Variants in LYPLAL1 observed in about 807,000 individuals in gnomAD.
LYPLAL1 encodes the protein lysophospholipase-like protein 1.
In LYPLAL1, 23 loss-of-function variants were observed where a neutral mutation model predicts 19.7. That is an observed-to-expected ratio of 1.17 (90% confidence interval 0.84 to 1.65). The LOEUF (loss-of-function observed/expected upper bound fraction) is 1.65, where lower values mean the gene tolerates loss of function less well. Ranked by LOEUF, LYPLAL1 falls within the 40% of genes most tolerant of loss-of-function variation. LYPLAL1 has a pLI of 0.00. For synonymous variants in LYPLAL1, 119 were observed against 96.3 expected, an observed-to-expected ratio of 1.24 and a Z score of -1.38; for missense variants, 355 against 279.4, an observed-to-expected ratio of 1.27 and a Z score of -1.93.
At chr1:219,349,616 CAT>C in the LYPLAL1 span, among the ~76,000 whole-genome samples, 1 of 152,070 alleles carries the variant, frequency 6.6e-6, no homozygotes, top group Non-Finnish European at 1.5e-5. Flanking sequence ...TACTCATGTG[CAT>C]ATGTGTGTAT....
At chr1:219,391,973 G>T in the LYPLAL1 span, among the ~76,000 whole-genome samples, 2 of 151,974 alleles carry the variant, frequency 1.3e-5, no homozygotes, top group African/African-American at 4.8e-5. Context: ...CCTTCATTTG[G>T]TGGTCACTGG....
At chr1:219,369,906 C>A in the LYPLAL1 span, among the ~76,000 whole-genome samples, 1 of 152,194 alleles carries the variant, frequency 6.6e-6, no homozygotes, top group African/African-American at 2.4e-5. Context: ...TAATGCTGTG[C>A]AAACTTCTCC....
the LYPLAL1 span, among the ~76,000 whole-genome samples, chr1:219,319,841 G>A: frequency 2.6e-5 from 4 of 152,138 alleles, no homozygotes; most frequent in Non-Finnish European, 4.4e-5. Flanking sequence ...CTCACAAAGG[G>A]AAGATACCAA....
chr1:219,336,826 T>G, the LYPLAL1 span, among the ~76,000 whole-genome samples: 1 of 151,972 alleles, frequency 6.6e-6, no homozygotes, highest in Non-Finnish European at 1.5e-5. Flanking sequence ...TTCAGTAGAG[T>G]AAAAGAAATC....
Position 219,211,871 on chromosome 1 carries a change from A to T in LYPLAL1, c.*143A>T. ...TATTAAAATGCTTATCACTGTAGAC[A>T]GTAGCTAATCTTATTAATGAAAAAC... is the stretch of plus-strand genomic sequence containing the variant. On this transcript the variant is annotated 3_prime_UTR_variant, in exon 5 of 5. Coordinates refer to ENST00000366928, the MANE Select transcript of LYPLAL1 (RefSeq NM_138794.5). 1.9e-6 allele frequency: 1 copy of T among 523,062 alleles called. No homozygotes were observed. The highest frequency in any genetic ancestry group is 3.3e-6 in the Non-Finnish European group (1 of 303,348). 32.4% of individuals were successfully genotyped at this position (523,062 alleles called of 1,614,324 possible). A position where few individuals can be genotyped will look rare whatever the true frequency, so the allele number is the denominator to read the frequency against.
chr1:219,190,985 T>C (rs1657134332), intron 2 of LYPLAL1, among the ~76,000 whole-genome samples: 1 of 151,588 alleles, frequency 6.6e-6, no homozygotes, highest in East Asian at 1.9e-4. Flanking sequence ...TAAAAAGTAA[T>C]TGAACTATAC....
At chr1:219,210,142 A>G (rs1658891923) in intron 3 of LYPLAL1, among the ~76,000 whole-genome samples, 1 of 152,170 alleles carries the variant, frequency 6.6e-6, no homozygotes, top group Admixed American at 6.5e-5. Context: ...TTAGCAAGTA[A>G]GACAAAAAGG....
intron 2 of LYPLAL1, among the ~76,000 whole-genome samples, chr1:219,189,309 C>T (rs1656965014): frequency 6.6e-6 from 1 of 151,558 alleles, no homozygotes; most frequent in Admixed American, 6.6e-5. Flanking sequence ...GTAATAGGCT[C>T]ATTTGAATTT....
the LYPLAL1 span, among the ~76,000 whole-genome samples, chr1:219,250,275 C>T: frequency 1.3e-5 from 2 of 151,632 alleles, no homozygotes; most frequent in African/African-American, 4.8e-5. Flanking sequence ...AAATGATTAC[C>T]CTTTCCCTAC....
At chr1:219,253,845 C>T in the LYPLAL1 span, among the ~76,000 whole-genome samples, 1 of 152,036 alleles carries the variant, frequency 6.6e-6, no homozygotes, top group African/African-American at 2.4e-5. Context: ...AATTTTCTGC[C>T]TCAATGATTT....
the LYPLAL1 span, among the ~76,000 whole-genome samples, chr1:219,236,220 T>C: frequency 4.9e-3 from 742 of 152,304 alleles, no homozygotes; most frequent in Non-Finnish European, 8.3e-3. Flanking sequence ...TCTAGGAGTG[T>C]TGGATGTGAG....
At chr1:219,316,484 A>C in the LYPLAL1 span, among the ~76,000 whole-genome samples, 1 of 152,120 alleles carries the variant, frequency 6.6e-6, no homozygotes, top group Non-Finnish European at 1.5e-5. Flanking sequence ...CTTTCCTTTT[A>C]AATTTTTTGA....
At chr1:219,369,746 G>A in the LYPLAL1 span, among the ~76,000 whole-genome samples, 1 of 152,198 alleles carries the variant, frequency 6.6e-6, no homozygotes, top group Non-Finnish European at 1.5e-5. Context: ...AGATGCTAGG[G>A]ATACAAACAT....
At chr1:219,366,649 C>A in the LYPLAL1 span, among the ~76,000 whole-genome samples, 1 of 152,170 alleles carries the variant, frequency 6.6e-6, no homozygotes, top group African/African-American at 2.4e-5. Context: ...CACATCATTT[C>A]TGCTCACATT....
At chr1:219,444,801 C>T in the LYPLAL1 span, among the ~76,000 whole-genome samples, 3,149 of 152,274 alleles carry the variant, frequency 0.021, 103 homozygotes, top group African/African-American at 0.071. Context: ...CCCAGCTCTT[C>T]CTCCAGAATT....
the LYPLAL1 span, among the ~76,000 whole-genome samples, chr1:219,440,116 T>A: frequency 6.7e-6 from 1 of 150,248 alleles, no homozygotes; most frequent in Non-Finnish European, 1.5e-5. Context: ...TTTTCAGTAA[T>A]CATATTATTG....
the LYPLAL1 span, among the ~76,000 whole-genome samples, chr1:219,442,869 C>T: frequency 4.6e-5 from 7 of 152,116 alleles, no homozygotes; most frequent in East Asian, 1.9e-4. Context: ...TTTTATCTTC[C>T]GACTTCAAAG....
At chr1:219,441,893 T>C in the LYPLAL1 span, among the ~76,000 whole-genome samples, 1 of 152,178 alleles carries the variant, frequency 6.6e-6, no homozygotes. Context: ...TCTAGTATTA[T>C]CTGTTCCAAT....
the LYPLAL1 span, among the ~76,000 whole-genome samples, chr1:219,226,024 AATGCC>A: frequency 1.3e-5 from 2 of 152,186 alleles, no homozygotes; most frequent in Non-Finnish European, 1.5e-5. Flanking sequence ...TGAGTGACGC[AATGCC>A]TTGCCCAAGT....
Sources: allele counts gnomAD v4.1 joint callset (sites outside exome capture counted in the v4.1 genomes callset), GRCh38; gene constraint gnomAD v4.1.1; transcripts MANE v1.5; gene names NCBI Gene and HGNC (gene_info 2026-07-23, HGNC 2026-07-21).